The following PLA2G5 variants were observed in gnomAD, a reference collection of about 807,000 sequenced individuals.
PLA2G5 encodes phospholipase A2 group V.
PLA2G5 carries 12 observed loss-of-function variants against 15.9 expected under a neutral mutation model. That is an observed-to-expected ratio of 0.76 (90% confidence interval 0.48 to 1.23). The LOEUF (loss-of-function observed/expected upper bound fraction) is 1.23. Ranked by LOEUF, PLA2G5 falls within the 50% of genes most tolerant of loss-of-function variation. The pLI, the probability that PLA2G5 is intolerant of heterozygous loss-of-function variation, is 0.00. For missense variants in PLA2G5, 169 were observed against 177.1 expected, an observed-to-expected ratio of 0.95 and a Z score of 0.26; for synonymous variants, 71 against 71.4, an observed-to-expected ratio of 0.99 and a Z score of 0.03.
intron 1 of PLA2G5, among the ~76,000 whole-genome samples, chr1:20,081,271 A>T (rs1486585504): frequency 3.3e-5 from 5 of 151,176 alleles, no homozygotes; most frequent in Non-Finnish European, 7.4e-5. Context: ...TGCTGAGTGG[A>T]TGGCTCTCCA....
At chr1:20,068,073 G>A (rs2015142728), upstream of PLA2G5, among the ~76,000 whole-genome samples, 3 of 151,990 alleles carry the variant, frequency 2.0e-5, no homozygotes, top group Non-Finnish European at 2.9e-5. Context: ...AACCAAGATC[G>A]TGCCATTGCA....
chr1:20,060,247 C>CTTTTTTTTTTTTTTTTT (rs71585739), intron 2 of PLA2G5, among the ~76,000 whole-genome samples: 7 of 83,690 alleles, frequency 8.4e-5, no homozygotes, highest in Non-Finnish European at 1.1e-4. Context: ...CTTTTTTCTT[C>CTTTTTTTTTTTTTTTTT]TTTTTTTTTT....
chr1:20,086,049 T>C (rs1337048784), intron 2 of PLA2G5, 34 bp from the exon 3 acceptor site: 1 of 1,612,302 alleles, frequency 6.2e-7, no homozygotes, highest in African/African-American at 1.3e-5. Flanking sequence ...CTGGGCTGCC[T>C]GGGTGTCACC....
chr1:20,055,129 A>C (rs111944258), intron 1 of PLA2G5, among the ~76,000 whole-genome samples: 1 of 152,202 alleles, frequency 6.6e-6, no homozygotes, highest in African/African-American at 2.4e-5. Flanking sequence ...TGTGAGCAAA[A>C]CAAAAACAGT....
intron 3 of PLA2G5, among the ~76,000 whole-genome samples, chr1:20,088,221 G>T (rs1396208023): frequency 1.3e-5 from 2 of 152,212 alleles, no homozygotes; most frequent in East Asian, 1.9e-4. Context: ...TCTGGGCATG[G>T]TGGCACATGC....
chr1:20,069,427 C>A (rs562418227), upstream of PLA2G5, among the ~76,000 whole-genome samples: 89 of 152,240 alleles, frequency 5.8e-4, no homozygotes, highest in African/African-American at 2.0e-3. Flanking sequence ...AATTCCAGCA[C>A]TTTGGAAGGC....
exon 1 of PLA2G5, chr1:20,028,434 G>C (rs577258901): frequency 1.4e-4 from 21 of 152,174 alleles, no homozygotes; most frequent in African/African-American, 5.1e-4. Context: ...GTGAAATGGC[G>C]GGGGACTTAC....
chr1:20,045,418 A>G (rs941304591), intron 1 of PLA2G5, among the ~76,000 whole-genome samples: 3 of 151,998 alleles, frequency 2.0e-5, no homozygotes, highest in African/African-American at 4.8e-5. Context: ...GCGTCACCAC[A>G]GTGATTAAAC....
intron 1 of PLA2G5, among the ~76,000 whole-genome samples, chr1:20,055,805 T>C (rs1380543447): frequency 2.0e-5 from 3 of 152,190 alleles, no homozygotes; most frequent in Non-Finnish European, 2.9e-5. Context: ...ATCTTCATAA[T>C]GTTTCTGCTT....
intron 1 of PLA2G5, among the ~76,000 whole-genome samples, chr1:20,081,975 C>A (rs1377483003): frequency 6.6e-6 from 1 of 151,704 alleles, no homozygotes; most frequent in Non-Finnish European, 1.5e-5. Flanking sequence ...TCACTTGAAC[C>A]TGGGAGGTGG....
chr1:20,038,943 G>A (rs924177513), intron 1 of PLA2G5, among the ~76,000 whole-genome samples: 17 of 152,204 alleles, frequency 1.1e-4, no homozygotes, highest in African/African-American at 4.1e-4. Context: ...ACAGCTGAGG[G>A]TATTCCTCTT....
Position 20,040,869 on chromosome 1 carries a change from G to A in PLA2G5, n.276+12160G>A, listed in dbSNP as rs189560396. Among the ~76,000 whole-genome samples the A allele has an allele frequency of 7.4e-3, 1,123 of 152,214 alleles. 19 individuals carry two copies. Among genetic ancestry groups the A allele is most frequent in the African/African-American group, 0.025 (1,059 of 41,542 alleles). ...AATCAGAAACTCAAAGGAATACAACGATTTGTCTCTTATCTACCTAAGACC... is the reference window on the plus strand; with the variant it reads ...AATCAGAAACTCAAAGGAATACAACAATTTGTCTCTTATCTACCTAAGACC... On this transcript the variant is annotated intron_variant and non_coding_transcript_variant, in intron 1 of 6. Coordinates refer to the PLA2G5 transcript ENST00000460175.
At chr1:20,034,556 G>A (rs1363701962) in intron 1 of PLA2G5, among the ~76,000 whole-genome samples, 2 of 152,132 alleles carry the variant, frequency 1.3e-5, no homozygotes, top group African/African-American at 2.4e-5. Context: ...GTGTTGTGGG[G>A]AGAATTGACA....
At chr1:20,075,868 CTTTTTTTTTTTTT>C (rs534879331) in intron 1 of PLA2G5, among the ~76,000 whole-genome samples, 1 of 121,780 alleles carries the variant, frequency 8.2e-6, no homozygotes, top group Non-Finnish European at 1.7e-5. Context: ...ATTTCTTTCT[CTTTTTTTTTTTTT>C]TTTTTTTTGA....
chr1:20,065,659 GT>G (rs1235465790), upstream of PLA2G5, among the ~76,000 whole-genome samples: 2 of 152,160 alleles, frequency 1.3e-5, no homozygotes, highest in Non-Finnish European at 2.9e-5. Context: ...CTGTATCAGA[GT>G]TTGTTTATAC....
upstream of PLA2G5, among the ~76,000 whole-genome samples, chr1:20,066,720 C>A (rs1339674135): frequency 6.6e-6 from 1 of 151,634 alleles, no homozygotes; most frequent in Non-Finnish European, 1.5e-5. Flanking sequence ...GATTTAATTT[C>A]TCTTGGCAAG....
At chr1:20,086,328 A>G in intron 3 of PLA2G5, 101 bp downstream of exon 3, 4 of 1,294,536 alleles carry the variant, frequency 3.1e-6, no homozygotes, top group Non-Finnish European at 4.3e-6. Flanking sequence ...TTAAAGTACC[A>G]TTTTACAAAT....
At position 20,087,586 on chromosome 1, in the gene PLA2G5, A is replaced by G. The variant is rs11573270; in HGVS notation, c.185+1359A>G. Among the ~76,000 whole-genome samples the G allele has an allele frequency of 2.3e-3, 349 of 152,110 alleles. 2 individuals are homozygous for G. Among genetic ancestry groups the G allele is most frequent in the African/African-American group, 8.0e-3 (331 of 41,504 alleles). The stretch of plus-strand genomic sequence containing the variant: ...AAACATTCTTTTGCTATCAGTGGAG[A>G]GGGTCTAAAAGAAATGACATCTCAG... On this transcript the variant is annotated intron_variant, in intron 3 of 4. Coordinates refer to ENST00000375108, the MANE Select transcript of PLA2G5 (RefSeq NM_000929.3).
chr1:20,029,931 AGTT>A (rs774806786), intron 1 of PLA2G5, among the ~76,000 whole-genome samples: 15 of 152,286 alleles, frequency 9.8e-5, no homozygotes, highest in Non-Finnish European at 2.2e-4. Flanking sequence ...GGCAGACAAA[AGTT>A]GTAGGTTATG....
Sources: gnomAD v4.1 joint callset for allele counts (sites outside exome capture counted in the v4.1 genomes callset) on GRCh38, gnomAD v4.1.1 for gene constraint, MANE v1.5 for transcripts, NCBI Gene and HGNC (gene_info 2026-07-23, HGNC 2026-07-21) for gene names.